GABBR1: variants seen among roughly 807,000 people sequenced by gnomAD.
The protein encoded by GABBR1 is gamma-aminobutyric acid type B receptor subunit 1, also known as GABA-B receptor, R1 subunit.
GABBR1 carries 35 observed loss-of-function variants against 117.7 expected under a neutral mutation model. The observed-to-expected ratio is 0.30, with a 90% CI of 0.23 to 0.39. GABBR1 has a LOEUF of 0.39. Ranked by LOEUF, GABBR1 falls within the 10% of genes least tolerant of loss-of-function variation. The pLI is 1.00. For synonymous variants in GABBR1, 442 were observed against 486.6 expected, an observed-to-expected ratio of 0.91 and a Z score of 1.21; for missense variants, 709 against 1,241.8, an observed-to-expected ratio of 0.57 and a Z score of 6.45.
At chr6:29,628,062 AG>A (rs1386679876) in intron 5 of GABBR1, 78 of 884,440 alleles carry the variant, frequency 8.8e-5, no homozygotes, top group Non-Finnish European at 1.0e-4. Context: ...TGGGGCTGGG[AG>A]GGGGCTCTGA....
intron 5 of GABBR1, among the ~76,000 whole-genome samples, chr6:29,628,549 A>G (rs1429775683): frequency 6.6e-6 from 1 of 151,846 alleles, no homozygotes; most frequent in Non-Finnish European, 1.5e-5. Flanking sequence ...GGGGCTGGGT[A>G]GACAGAAGCC....
rs766264533 is a variant in GABBR1, at chr6:29,631,593, T to C, written c.92A>G (p.Gln31Arg). The C allele has an allele frequency of 4.3e-5, 70 of 1,613,894 alleles. No homozygotes were observed. The highest frequency in any genetic ancestry group is 5.5e-5 in the Non-Finnish European group (65 of 1,179,962). ...QTPNATSEGCQIIHPPWEGGI... is the reference protein window; with the variant it reads ...QTPNATSEGCRIIHPPWEGGI... ...CCCTTCCCAGGGCGGGTGTATGATC[T>C]GGCAACCTAAGGGGTGAGTCGGGGA... The change falls in exon 3 of 23, where the codon CAG becomes CGG. Residue 31 changes from glutamine to arginine, a missense_variant. Gln to Arg is a conservative substitution (Grantham distance 43). Transcript: ENST00000377034. The surrounding 1 kb of genome is among the most constrained non-coding windows in gnomAD (Gnocchi z 5.9).
At position 29,608,710 on chromosome 6, in the gene GABBR1, T is replaced by C; in HGVS notation, c.1883A>G (p.Asn628Ser). 6.2e-7 allele frequency: 1 copy of C among 1,612,972 alleles called. No individual in the cohort carries two copies. The highest frequency in any genetic ancestry group is 8.5e-7 in the Non-Finnish European group (1 of 1,180,010). The change falls in exon 16 of 23, where the codon AAC becomes AGC. Residue 628 changes from asparagine to serine, a missense_variant. Transcript: ENST00000377034. ...GCCCACAGCAGTCAGGTTGTTCAGG[T>C]TGGGCTGTGAGTTCTGGATATAACT... The part of the protein sequence containing the change: ...HVRYIQNSQP[N>S]LNNLTAVGCS...
In GABBR1 at chr6:29,622,256, AT is replaced by A. The variant is rs750521038; in HGVS notation, c.964-52del. On this transcript the variant is annotated intron_variant, in intron 8 of 22. Coordinates refer to ENST00000377034, the MANE Select transcript of GABBR1 (RefSeq NM_001470.4). The surrounding 1 kb of genome is among the most constrained non-coding windows in gnomAD (Gnocchi z 4.6). ...GGAAAAACACGGGGTGCATGAGGGA[AT>A]AAAGACCAGAGAGGTTAACTGGGGA... The A allele has an allele frequency of 3.2e-5, 40 of 1,236,636 alleles. No homozygotes were observed. The African/African-American group carries it at 5.2e-4, about 16-fold the overall frequency. The allele number at this position is 1,236,636 out of a possible 1,614,324, so 76.6% of individuals were successfully genotyped here.
At chr6:29,618,538 G>A (rs1399117352) in intron 11 of GABBR1, among the ~76,000 whole-genome samples, 1 of 152,150 alleles carries the variant, frequency 6.6e-6, no homozygotes, top group Non-Finnish European at 1.5e-5. Context: ...CTCAAGAATG[G>A]ATGCTTGACA....
chr6:29,614,848 T>C (rs971688531), intron 11 of GABBR1, among the ~76,000 whole-genome samples: 32 of 152,154 alleles, frequency 2.1e-4, no homozygotes, highest in Admixed American at 2.0e-3. Context: ...GATGTATCAA[T>C]GTAGGTTCAT....
At chr6:29,608,823 G>A (rs1472428709) in intron 15 of GABBR1, 90 bp from the exon 16 acceptor site, 1 of 1,423,136 alleles carries the variant, frequency 7.0e-7, no homozygotes, top group African/African-American at 1.4e-5. Context: ...GCAATGGCAT[G>A]ACCCTAATTT....
chr6:29,605,008 G>A lies in GABBR1; in HGVS notation c.2440-20C>T, dbSNP rs1224961886. ...CAGGACCTAGAGGGAAAGACACATTGAGGGAGTCTCAGGTCTGCAGGCTCA... is the reference window on the plus strand; with the variant it reads ...CAGGACCTAGAGGGAAAGACACATTAAGGGAGTCTCAGGTCTGCAGGCTCA... On this transcript the variant is annotated intron_variant, in intron 20 of 22. Coordinates refer to ENST00000377034, the MANE Select transcript of GABBR1 (RefSeq NM_001470.4). The surrounding 1 kb of genome is among the most constrained non-coding windows in gnomAD (Gnocchi z 4.2). The A allele has an allele frequency of 2.5e-6, 4 of 1,600,466 alleles. No individual in the cohort carries two copies. Among genetic ancestry groups the A allele is most frequent in the Non-Finnish European group, 2.6e-6 (3 of 1,174,358 alleles).
chr6:29,608,081 A>G (rs29229), intron 16 of GABBR1, among the ~76,000 whole-genome samples: 14,896 of 152,248 alleles, frequency 0.098, 859 homozygotes, highest in Middle Eastern at 0.21. Flanking sequence ...GAACCACTCA[A>G]CTATCACTGT....
rs1478337237 is a variant in GABBR1 at position 29,609,383 on chromosome 6, C to T, written c.1709-4G>A. 1 of 1,612,490 alleles carries T rather than the reference C, an allele frequency of 6.2e-7. No individual in the cohort carries two copies. The highest frequency in any genetic ancestry group is 8.5e-7 in the Non-Finnish European group (1 of 1,179,794). Reference sequence around the variant, plus strand: ...TGGTCAGCTGGGGGGGACCCTCCTGCATGGCACAGGGGAGGAAGAGGGGAA... The same window carrying T: ...TGGTCAGCTGGGGGGGACCCTCCTGTATGGCACAGGGGAGGAAGAGGGGAA... On this transcript the variant is annotated splice_region_variant and splice_polypyrimidine_tract_variant and intron_variant, in intron 14 of 22. Transcript: ENST00000377034. The surrounding 1 kb of genome is among the most constrained non-coding windows in gnomAD (Gnocchi z 4.3).
chr6:29,617,907 T>C (rs28359974), intron 11 of GABBR1, among the ~76,000 whole-genome samples: 14,956 of 152,256 alleles, frequency 0.098, 870 homozygotes, highest in Middle Eastern at 0.21. Context: ...GAAACTATAT[T>C]ACCTTATTTA....
At position 29,627,439 on chromosome 6, in the gene GABBR1, T is replaced by G; in HGVS notation, c.657+47A>C. On this transcript the variant is annotated intron_variant, in intron 6 of 22. Coordinates refer to ENST00000377034, the MANE Select transcript of GABBR1 (RefSeq NM_001470.4). This position sits in a 1 kb window ranked among gnomAD's most constrained non-coding sequence, Gnocchi z 4.4. ...GGGCGCGTGCAGCTGGCTGGCCCCC[T>G]GCCCCGCAAGCCCCCACCTCCCACC... The G allele has an allele frequency of 1.5e-4, 175 of 1,157,630 alleles. No homozygotes were observed. The highest frequency in any genetic ancestry group is 1.8e-4 in the Non-Finnish European group (148 of 809,626). The allele number at this position is 1,157,630 out of a possible 1,614,324, so 71.7% of individuals were successfully genotyped here. A position where few individuals can be genotyped will look rare whatever the true frequency, so the allele number is the denominator to read the frequency against.
intron 6 of GABBR1, among the ~76,000 whole-genome samples, chr6:29,624,744 G>T (rs747275230): frequency 3.9e-5 from 6 of 152,076 alleles, no homozygotes; most frequent in Non-Finnish European, 5.9e-5. Context: ...GCCTTAAAGA[G>T]AGGCTTGGAG....
At position 29,607,328 on chromosome 6, in the gene GABBR1, CT is replaced by C; in HGVS notation, c.1993-111del. ...GTGGGCAGGGAGCACGGGCAGGGAG[CT>C]CATGGTGGCACAGGGAGGATGCGAA... On this transcript the variant is annotated intron_variant, in intron 16 of 22. Transcript: ENST00000377034. The surrounding 1 kb of genome is among the most constrained non-coding windows in gnomAD (Gnocchi z 5.0). The C allele has an allele frequency of 1.2e-6, 1 of 828,048 alleles. No homozygotes were observed. The highest frequency in any genetic ancestry group is 2.0e-6 in the Non-Finnish European group (1 of 493,076). The allele number at this position is 828,048 out of a possible 1,614,324, so 51.3% of individuals were successfully genotyped here.
chr6:29,630,794 A>G lies in GABBR1; in HGVS notation c.290-151T>C. 1.6e-6 allele frequency: 1 copy of G among 644,070 alleles called. No homozygotes were observed. The highest frequency in any genetic ancestry group is 1.8e-5 in the African/African-American group (1 of 54,802). 39.9% of individuals were successfully genotyped at this position (644,070 alleles called of 1,614,324 possible). A position where few individuals can be genotyped will look rare whatever the true frequency, so the allele number is the denominator to read the frequency against. On this transcript the variant is annotated intron_variant, in intron 3 of 22. Coordinates refer to ENST00000377034, the MANE Select transcript of GABBR1 (RefSeq NM_001470.4). The surrounding 1 kb of genome is among the most constrained non-coding windows in gnomAD (Gnocchi z 4.9). ...AAAGGATTTGCCTACCTATCTTCCA[A>G]TCCTCCCTTACCTGTGCAAGCATCC...
intron 11 of GABBR1, among the ~76,000 whole-genome samples, chr6:29,615,199 A>G (rs760682643): frequency 7.3e-5 from 11 of 151,460 alleles, no homozygotes; most frequent in Non-Finnish European, 1.3e-4. Context: ...GGCTGAGGTG[A>G]GAAAATCACT....
rs1175585326 is a variant in GABBR1 at position 29,632,240 on chromosome 6, G to GA, written c.85+60dup. On this transcript the variant is annotated intron_variant, in intron 2 of 22. Coordinates refer to ENST00000377034, the MANE Select transcript of GABBR1 (RefSeq NM_001470.4). This position sits in a 1 kb window ranked among gnomAD's most constrained non-coding sequence, Gnocchi z 5.8. ...GATAGTGATGAGGACCAGAAATGAG[G>GA]AGATGCAGGGAAAGGGAAGTGGAGC... The GA allele has an allele frequency of 1.0e-6, 1 of 975,410 alleles. No homozygotes were observed. The highest frequency in any genetic ancestry group is 1.4e-6 in the Non-Finnish European group (1 of 697,200). The allele number at this position is 975,410 out of a possible 1,614,324, so 60.4% of individuals were successfully genotyped here.
rs147509410 is a variant in GABBR1, at chr6:29,620,354, G to C, written c.1323+747C>G. Among the ~76,000 whole-genome samples, 1 of 152,160 alleles carries C rather than the reference G, an allele frequency of 6.6e-6. No homozygotes were observed. The highest frequency in any genetic ancestry group is 1.5e-5 in the Non-Finnish European group (1 of 68,032). On this transcript the variant is annotated intron_variant, in intron 11 of 22. Coordinates refer to ENST00000377034, the MANE Select transcript of GABBR1 (RefSeq NM_001470.4). The surrounding 1 kb of genome is among the most constrained non-coding windows in gnomAD (Gnocchi z 4.5). ...ACCCCTAACATGCTCTCCAAAGCAG[G>C]TACACACTTGGTGTAATAAGCAGAC... is the stretch of plus-strand genomic sequence containing the variant.
Position 29,609,640 on chromosome 6 carries a change from G to A in GABBR1, c.1709-261C>T, listed in dbSNP as rs1762334610. ...GTCTATCCATAGGTTGGGAAATGCT[G>A]AGGCATGTCCCCAAAGTTGTAGTCT... On this transcript the variant is annotated intron_variant, in intron 14 of 22. Coordinates refer to ENST00000377034, the MANE Select transcript of GABBR1 (RefSeq NM_001470.4). The surrounding 1 kb of genome is among the most constrained non-coding windows in gnomAD (Gnocchi z 4.3). Among the ~76,000 whole-genome samples the A allele has an allele frequency of 6.6e-6, 1 of 152,180 alleles. No individual in the cohort carries two copies. The highest frequency in any genetic ancestry group is 1.5e-5 in the Non-Finnish European group (1 of 68,038).
Sources: gnomAD v4.1 joint callset for allele counts (sites outside exome capture counted in the v4.1 genomes callset) on GRCh38, gnomAD v4.1.1 for gene constraint, Gnocchi (gnomAD v3.1) non-coding constraint, MANE v1.5 for transcripts, NCBI Gene and HGNC (gene_info 2026-07-23, HGNC 2026-07-21) for gene names.